Variants in PTPRG observed in about 807,000 individuals in gnomAD.
The protein encoded by PTPRG is protein tyrosine phosphatase receptor type G, also known as receptor-type tyrosine-protein phosphatase gamma.
Under a neutral mutation model 165.3 loss-of-function variants are expected in PTPRG, and 102 were observed. That is an observed-to-expected ratio of 0.62 (90% CI 0.53 to 0.73). The LOEUF (loss-of-function observed/expected upper bound fraction) is 0.73. PTPRG is among the 30% of genes least tolerant of loss of function. The probability of loss-of-function intolerance (pLI) is 0.00; values close to 1 mark genes in which losing one functional copy is unlikely to be tolerated. For synonymous variants in PTPRG, 675 were observed against 669.5 expected (o/e 1.01, Z -0.13); for missense variants, 1,866 against 1,861.4 (o/e 1.00, Z -0.05).
chr3:62,135,270 CAAAA>C (rs527679334), intron 6 of PTPRG, among the ~76,000 whole-genome samples: 6 of 81,130 alleles, frequency 7.4e-5, no homozygotes, highest in Non-Finnish European at 5.1e-5. Context: ...GATTCTGTCT[CAAAA>C]AAAAAAAAAA....
chr3:62,267,913 TAA>T, intron 19 of PTPRG, 94 bp downstream of exon 19: 4 of 1,405,286 alleles, frequency 2.8e-6, no homozygotes, highest in Non-Finnish European at 3.9e-6. Context: ...TGACAAGGTA[TAA>T]AGAGTTACGG....
intron 8 of PTPRG, among the ~76,000 whole-genome samples, chr3:62,182,329 T>C (rs1705688206): frequency 6.6e-6 from 1 of 152,242 alleles, no homozygotes; most frequent in African/African-American, 2.4e-5. Context: ...CTTTTGGTGA[T>C]TATCACACAA....
rs529661542 is a variant in PTPRG at position 62,297,156 on chromosome 3, G to A, written c.*3849G>A. ...ATCTTCTGGGAACTTTGTATCTATG[G>A]TATATAATCATAGAATTTTATATTT... On this transcript the variant is annotated 3_prime_UTR_variant, in exon 30 of 30. Transcript: ENST00000474889. The A allele has an allele frequency of 1.3e-5, 2 of 151,908 alleles. No individual in the cohort carries two copies. Among genetic ancestry groups the A allele is most frequent in the East Asian group, 3.8e-4 (2 of 5,200 alleles). The allele number at this position is 151,908 out of a possible 1,614,324, so 9.4% of individuals were successfully genotyped here.
chr3:61,683,297 C>A (rs545137405), intron 1 of PTPRG, among the ~76,000 whole-genome samples: 1 of 152,178 alleles, frequency 6.6e-6, no homozygotes, highest in Non-Finnish European at 1.5e-5. Flanking sequence ...AGCCGAATGG[C>A]GTCAGTCACT....
At chr3:61,981,643 C>T (rs747442823) in intron 2 of PTPRG, among the ~76,000 whole-genome samples, 3 of 152,130 alleles carry the variant, frequency 2.0e-5, no homozygotes, top group Non-Finnish European at 4.4e-5. Context: ...TAGTAAGGTA[C>T]TTGGTGGGGT....
intron 1 of PTPRG, among the ~76,000 whole-genome samples, chr3:61,664,810 G>T (rs949107153): frequency 6.6e-6 from 1 of 152,124 alleles, no homozygotes; most frequent in Non-Finnish European, 1.5e-5. Flanking sequence ...CAGCCTGGGC[G>T]ACAGAGCCAG....
intron 3 of PTPRG, among the ~76,000 whole-genome samples, chr3:62,000,304 C>T (rs2041142791): frequency 6.7e-6 from 1 of 148,812 alleles, no homozygotes; most frequent in African/African-American, 2.5e-5. Context: ...AAAAAAAGTC[C>T]TTACCAATTT....
intron 1 of PTPRG, among the ~76,000 whole-genome samples, chr3:61,691,882 T>TA (rs11445172): frequency 0.99 from 151,049 of 152,266 alleles, 74,932 homozygotes; most frequent in Middle Eastern, 1. Flanking sequence ...GACTTACATT[T>TA]AACCTTGGAT....
intron 5 of PTPRG, among the ~76,000 whole-genome samples, chr3:62,093,338 C>A (rs1702006133): frequency 6.6e-6 from 1 of 152,242 alleles, no homozygotes. Flanking sequence ...TCCTCCCGCC[C>A]TCTGCTTCCC....
At chr3:61,816,199 T>G (rs2035757418) in intron 2 of PTPRG, among the ~76,000 whole-genome samples, 1 of 152,208 alleles carries the variant, frequency 6.6e-6, no homozygotes, top group South Asian at 2.1e-4. Flanking sequence ...GACATGCTGT[T>G]GTTTTGTGTC....
chr3:61,917,883 G>C (rs977114379), intron 2 of PTPRG, among the ~76,000 whole-genome samples: 64 of 152,306 alleles, frequency 4.2e-4, no homozygotes, highest in African/African-American at 1.5e-3. Flanking sequence ...AGTGAGCCGA[G>C]ATCACGCCGC....
At chr3:61,762,839 T>G (rs1313019165) in intron 2 of PTPRG, among the ~76,000 whole-genome samples, 2 of 152,108 alleles carry the variant, frequency 1.3e-5, no homozygotes, top group African/African-American at 4.8e-5. Flanking sequence ...CTTTGTACCC[T>G]GCCATCTTTA....
intron 1 of PTPRG, among the ~76,000 whole-genome samples, chr3:61,652,954 C>A (rs1307335389): frequency 6.6e-6 from 1 of 152,148 alleles, no homozygotes; most frequent in Non-Finnish European, 1.5e-5. Context: ...TATCAAAATG[C>A]TATGGAGTGG....
chr3:62,087,790 A>G (rs1362689353), intron 5 of PTPRG, among the ~76,000 whole-genome samples: 1 of 152,208 alleles, frequency 6.6e-6, no homozygotes, highest in African/African-American at 2.4e-5. Context: ...TGTCATCTGC[A>G]TATAATTGCC....
chr3:62,160,902 G>A (rs1704734590), intron 7 of PTPRG, among the ~76,000 whole-genome samples: 1 of 129,116 alleles, frequency 7.7e-6, no homozygotes. Flanking sequence ...ACAGTAAGCT[G>A]GAGTGGACAG....
At chr3:61,822,053 G>T (rs1400859288) in intron 2 of PTPRG, among the ~76,000 whole-genome samples, 2 of 152,186 alleles carry the variant, frequency 1.3e-5, no homozygotes, top group Non-Finnish European at 2.9e-5. Context: ...TAAGTAACTT[G>T]CCTAAGTAAT....
chr3:61,972,873 G>A (rs561520745), intron 2 of PTPRG, among the ~76,000 whole-genome samples: 5 of 151,216 alleles, frequency 3.3e-5, no homozygotes, highest in African/African-American at 1.2e-4. Flanking sequence ...TGCTCAGGCT[G>A]GTCTTAAACT....
chr3:61,696,210 A>C (rs2030580196), intron 1 of PTPRG, among the ~76,000 whole-genome samples: 1 of 152,130 alleles, frequency 6.6e-6, no homozygotes, highest in Non-Finnish European at 1.5e-5. Flanking sequence ...CTATTAAAAA[A>C]TTCTAGCCAG....
At chr3:61,862,843 C>G (rs1400917493) in intron 2 of PTPRG, among the ~76,000 whole-genome samples, 1 of 152,182 alleles carries the variant, frequency 6.6e-6, no homozygotes, top group Admixed American at 6.5e-5. Context: ...CTTAGTATAT[C>G]TGCAAAGACT....
Sources: gnomAD v4.1 joint callset for allele counts (sites outside exome capture counted in the v4.1 genomes callset) on GRCh38, gnomAD v4.1.1 for gene constraint, MANE v1.5 for transcripts, NCBI Gene and HGNC (gene_info 2026-07-23, HGNC 2026-07-21) for gene names.